The following TMC6 variants were observed in gnomAD, a reference collection of about 807,000 sequenced individuals.
TMC6 encodes the protein transmembrane channel like 6, also known as transmembrane channel-like protein 6.
A neutral mutation model predicts 95.4 loss-of-function variants in TMC6; 71 were observed. That is an observed-to-expected ratio of 0.74 (90% CI 0.61 to 0.91). TMC6 has a LOEUF of 0.91. TMC6 is among the 40% of genes least tolerant of loss of function. The pLI is 0.00. For missense variants in TMC6, 1,074 were observed against 1,079.1 expected (o/e 1.00, Z 0.07); for synonymous variants, 514 against 483.1 (o/e 1.06, Z -0.84).
rs1003769494 is a variant in TMC6 at position 78,108,145 on chromosome 17, G to A, written c.*5003C>T. ...CCCAGCGGCCCCTCAAACTAAGCAA[G>A]GATCTTTTTTCTGTCTGCGCTCCCT... On this transcript the variant is annotated 3_prime_UTR_variant, in exon 20 of 20. Coordinates refer to ENST00000590602, the MANE Select transcript of TMC6 (RefSeq NM_001127198.5). The A allele has an allele frequency of 5.9e-5, 9 of 152,288 alleles. No homozygotes were observed. Among genetic ancestry groups the A allele is most frequent in the African/African-American group, 2.2e-4 (9 of 41,424 alleles). 9.4% of individuals were successfully genotyped at this position (152,288 alleles called of 1,614,324 possible). A position where few individuals can be genotyped will look rare whatever the true frequency, so the allele number is the denominator to read the frequency against.
intron 1 of TMC6, among the ~76,000 whole-genome samples, chr17:78,127,203 G>T (rs1425816024): frequency 1.3e-5 from 2 of 152,186 alleles, no homozygotes; most frequent in African/African-American, 4.8e-5. Flanking sequence ...AAGAGGTAGG[G>T]TGCCTGTAGA....
At position 78,122,803 on chromosome 17, in the gene TMC6, A is replaced by T; in HGVS notation, c.1083-54T>A. ...ACCAACAAGCTGACGGGCAGAGGCC[A>T]AGGGGAGAAGGCAGACCGGATGCTC... On this transcript the variant is annotated intron_variant, in intron 9 of 19. Transcript: ENST00000590602. This position sits in a 1 kb window ranked among gnomAD's most constrained non-coding sequence, Gnocchi z 4.9. 6.3e-7 allele frequency: 1 copy of T among 1,584,260 alleles called. No homozygotes were observed. Among genetic ancestry groups the T allele is most frequent in the Non-Finnish European group, 8.5e-7 (1 of 1,169,996 alleles).
Position 78,119,020 on chromosome 17 carries a change from A to G in TMC6, c.1838T>C (p.Leu613Pro). The stretch of plus-strand genomic sequence containing the variant: ...CAGCTTGATGATCTGCACGGCGGGG[A>G]GGAGGGGCGAGAAGAGCACCCCCAG... ...TWLGVLFSPL[L>P]PAVQIIKLLL... Residue 613 changes from leucine (L) to proline (P), a missense_variant, in exon 15 of 20, where the codon CTC (leucine) becomes CCC (proline). Physicochemically the swap from Leu to Pro is moderately conservative, Grantham distance 98 (BLOSUM62 -3). Transcript: ENST00000590602. 6.2e-7 allele frequency: 1 copy of G among 1,602,128 alleles called. No individual in the cohort carries two copies. Among genetic ancestry groups the G allele is most frequent in the Non-Finnish European group, 8.5e-7 (1 of 1,174,844 alleles).
intron 18 of TMC6, among the ~76,000 whole-genome samples, chr17:78,116,038 C>T (rs1054023806): frequency 2.0e-5 from 3 of 152,032 alleles, no homozygotes; most frequent in Non-Finnish European, 2.9e-5. Context: ...GCCTCAGCAA[C>T]TCGCTCTGTC....
intron 8 of TMC6, 45 bp downstream of exon 8, chr17:78,124,479 C>T: frequency 6.3e-7 from 1 of 1,599,848 alleles, no homozygotes; most frequent in Non-Finnish European, 8.5e-7. Flanking sequence ...ACCAGGGTAG[C>T]AGAAGACAGG....
upstream of TMC6, chr17:78,131,471 C>G: frequency 7.0e-7 from 1 of 1,428,152 alleles, no homozygotes; most frequent in Non-Finnish European, 9.5e-7. Context: ...CGGAAGGGCC[C>G]GCCCCCAGCC....
intron 1 of TMC6, among the ~76,000 whole-genome samples, chr17:78,127,882 C>T (rs2074811180): frequency 6.6e-6 from 1 of 152,234 alleles, no homozygotes; most frequent in African/African-American, 2.4e-5. Flanking sequence ...CCACACCACC[C>T]CCTCCCTCCA....
upstream of TMC6, chr17:78,131,882 G>A (rs569316966): frequency 2.1e-6 from 3 of 1,458,416 alleles, no homozygotes; most frequent in African/African-American, 4.3e-5. Context: ...CCCCGTCCAG[G>A]CAGCTGCGGG....
rs1161179351 is a variant in TMC6, at chr17:78,107,945, C to G, written c.*5203G>C. On this transcript the variant is annotated 3_prime_UTR_variant, in exon 20 of 20. Transcript: ENST00000590602. ...CACCTTCGCTAACTTTCACCAAGCA[C>G]TTTGAGCACAGTGGAACTTCAGAAG... 1 of 152,252 alleles carries G rather than the reference C, an allele frequency of 6.6e-6. No homozygotes were observed. Among genetic ancestry groups the G allele is most frequent in the Non-Finnish European group, 1.5e-5 (1 of 68,058 alleles). 9.4% of individuals were successfully genotyped at this position (152,252 alleles called of 1,614,324 possible).
chr17:78,126,654 G>T lies in TMC6; in HGVS notation c.57-6C>A. On this transcript the variant is annotated splice_region_variant and splice_polypyrimidine_tract_variant and intron_variant, in intron 2 of 19. Coordinates refer to ENST00000590602, the MANE Select transcript of TMC6 (RefSeq NM_001127198.5). ...CATAGGGGCTGGGGCCCTGGCTGCA[G>T]AGGGGGTTGGCGGGGGGGTCAGGCT... The T allele has an allele frequency of 2.5e-6, 4 of 1,613,008 alleles. No homozygotes were observed. Among genetic ancestry groups the T allele is most frequent in the Non-Finnish European group, 3.4e-6 (4 of 1,179,898 alleles).
intron 5 of TMC6, 96 bp downstream of exon 5, chr17:78,125,630 C>T (rs1568001547): frequency 6.6e-7 from 1 of 1,509,552 alleles, no homozygotes; most frequent in Non-Finnish European, 8.9e-7. Context: ...GCCTCTGGCT[C>T]TGCAGCACCC....
rs117317068 is a variant in TMC6 at position 78,118,158 on chromosome 17, G to C, written c.1888-223C>G. On this transcript the variant is annotated intron_variant, in intron 15 of 19. Transcript: ENST00000590602. ...GCACCTCCATCTGCTGAAGGTCGCT[G>C]CCATGCCAGGCTCTGCACACAACAC... 1,485 of 691,136 alleles carry C rather than the reference G, an allele frequency of 2.1e-3. 45 individuals are homozygous for C. In the East Asian group the frequency reaches 0.038, roughly 18 times the overall value. The allele number at this position is 691,136 out of a possible 1,614,324, so 42.8% of individuals were successfully genotyped here. A position where few individuals can be genotyped will look rare whatever the true frequency, so the allele number is the denominator to read the frequency against.
intron 9 of TMC6, 50 bp downstream of exon 9, chr17:78,123,939 T>G (rs200186415): frequency 6.2e-6 from 10 of 1,601,540 alleles, no homozygotes. Flanking sequence ...GAAAGATGAA[T>G]GGATGGATGA....
intron 13 of TMC6, chr17:78,120,027 C>G (rs1025664441): frequency 1.0e-5 from 4 of 393,048 alleles, no homozygotes; most frequent in Non-Finnish European, 2.0e-5. Flanking sequence ...AGGAAAAAAA[C>G]AGCTGAAGTG....
At position 78,108,776 on chromosome 17, in the gene TMC6, G is replaced by A. The variant is rs1011697308; in HGVS notation, c.*4372C>T. On this transcript the variant is annotated 3_prime_UTR_variant, in exon 20 of 20. Transcript: ENST00000590602. ...GACAACAGGTTCTTCACCTGCATCT[G>A]TGGATATATATTTTTTTAAGTTTAT... 1.3e-5 allele frequency: 2 copies of A among 152,454 alleles called. No homozygotes were observed. Among genetic ancestry groups the A allele is most frequent in the Non-Finnish European group, 2.9e-5 (2 of 68,120 alleles). 9.4% of individuals were successfully genotyped at this position (152,454 alleles called of 1,614,324 possible).
upstream of TMC6, chr17:78,131,915 G>T (rs1201674417): frequency 2.7e-6 from 4 of 1,496,272 alleles, no homozygotes; most frequent in East Asian, 7.6e-5. Flanking sequence ...TGCAGACCTT[G>T]CGCTGGCAGC....
upstream of TMC6, chr17:78,131,252 C>T: frequency 2.2e-6 from 1 of 450,412 alleles, no homozygotes; most frequent in Non-Finnish European, 4.1e-6. Flanking sequence ...ACTTTCTGTG[C>T]CCTTTGGATC....
rs1323040358 is a variant in TMC6, at chr17:78,124,997, G to C, written c.537-12C>G. 3 of 1,575,208 alleles carry C rather than the reference G, an allele frequency of 1.9e-6. No homozygotes were observed. Among genetic ancestry groups the C allele is most frequent in the Non-Finnish European group, 2.6e-6 (3 of 1,163,950 alleles). On this transcript the variant is annotated splice_polypyrimidine_tract_variant and intron_variant, in intron 6 of 19. Coordinates refer to ENST00000590602, the MANE Select transcript of TMC6 (RefSeq NM_001127198.5). ...TCCTGCTCTTCTCTCTGGGGACAGA[G>C]GCAGCCATAGGTGCCTGGACCAATG...
At chr17:78,114,855 T>C (rs1184361730) in intron 18 of TMC6, among the ~76,000 whole-genome samples, 3 of 152,022 alleles carry the variant, frequency 2.0e-5, no homozygotes, top group Non-Finnish European at 4.4e-5. Flanking sequence ...AGCTCGGCCT[T>C]GGGTAGACAC....
Sources: allele counts gnomAD v4.1 joint callset (sites outside exome capture counted in the v4.1 genomes callset), GRCh38; gene constraint gnomAD v4.1.1; non-coding constraint Gnocchi (gnomAD v3.1); transcripts MANE v1.5; gene names NCBI Gene and HGNC (gene_info 2026-07-23, HGNC 2026-07-21).